The following SDK1 variants were observed in gnomAD, a reference collection of about 807,000 sequenced individuals.
SDK1 encodes protein sidekick-1.
In SDK1, 157 loss-of-function variants were observed where a neutral mutation model predicts 245.5. The observed-to-expected ratio is 0.64, with a 90% CI of 0.56 to 0.73. The LOEUF (loss-of-function observed/expected upper bound fraction) is 0.73. Among genes scored for constraint, SDK1 ranks in the 30% least tolerant of loss-of-function variants. SDK1 has a pLI of 0.00. For synonymous variants in SDK1, 1,647 were observed against 1,278.5 expected (o/e 1.29, Z -6.15); for missense variants, 3,583 against 3,002.3 (o/e 1.19, Z -4.52).
intron 1 of SDK1, among the ~76,000 whole-genome samples, chr7:3,586,118 T>C (rs1780679632): frequency 6.6e-6 from 1 of 151,014 alleles, no homozygotes; most frequent in African/African-American, 2.4e-5. Context: ...GTAGAGTCGC[T>C]GGGGGAGAGA....
At chr7:4,181,718 G>T (rs752392649) in intron 35 of SDK1, among the ~76,000 whole-genome samples, 2 of 152,300 alleles carry the variant, frequency 1.3e-5, no homozygotes, top group Admixed American at 6.5e-5. Context: ...GGAAAGGAAA[G>T]CCTACTTGCT....
chr7:4,089,341 A>G (rs1468510585), intron 22 of SDK1, among the ~76,000 whole-genome samples: 1 of 152,202 alleles, frequency 6.6e-6, no homozygotes. Flanking sequence ...CCCCTGGGGC[A>G]GAGGCTGCAG....
At position 3,718,346 on chromosome 7, in the gene SDK1, A is replaced by G. The variant is rs1298956503; in HGVS notation, c.713+76241A>G. Among the ~76,000 whole-genome samples the G allele has an allele frequency of 2.6e-5, 4 of 151,706 alleles. No homozygotes were observed. In the East Asian group the frequency reaches 7.7e-4, roughly 29 times the overall value. ...TGAAACCCTGTCTCAAAAAAATAATAAAAATAATAAATTGGCCAGCTGTGG... is the reference window on the plus strand; with the variant it reads ...TGAAACCCTGTCTCAAAAAAATAATGAAAATAATAAATTGGCCAGCTGTGG... On this transcript the variant is annotated intron_variant, in intron 4 of 44. Coordinates refer to ENST00000404826, the MANE Select transcript of SDK1 (RefSeq NM_152744.4).
At chr7:4,214,788 T>A (rs1481457978) in intron 38 of SDK1, among the ~76,000 whole-genome samples, 2 of 152,204 alleles carry the variant, frequency 1.3e-5, no homozygotes, top group Non-Finnish European at 2.9e-5. Flanking sequence ...AATGGCCTTA[T>A]AGAGCTTCCT....
intron 5 of SDK1, among the ~76,000 whole-genome samples, chr7:3,827,909 C>G (rs947682693): frequency 3.3e-5 from 5 of 152,114 alleles, no homozygotes; most frequent in African/African-American, 7.2e-5. Flanking sequence ...AAGAAACAAA[C>G]CTTGGTATGA....
At chr7:3,756,108 CA>C in intron 4 of SDK1, among the ~76,000 whole-genome samples, 2 of 148,916 alleles carry the variant, frequency 1.3e-5, no homozygotes, top group African/African-American at 2.5e-5. Flanking sequence ...ACATGCATAT[CA>C]TTGATGTTTT....
intron 28 of SDK1, among the ~76,000 whole-genome samples, chr7:4,139,981 C>T (rs1459693609): frequency 6.6e-6 from 1 of 152,130 alleles, no homozygotes; most frequent in Non-Finnish European, 1.5e-5. Flanking sequence ...TCCCATGAGC[C>T]TATTCATTGT....
chr7:4,077,534 A>G (rs1013221858), intron 21 of SDK1, among the ~76,000 whole-genome samples: 2 of 152,164 alleles, frequency 1.3e-5, no homozygotes, highest in African/African-American at 4.8e-5. Flanking sequence ...GTCCATTTTC[A>G]TGCTGCTGAT....
intron 1 of SDK1, among the ~76,000 whole-genome samples, chr7:3,595,526 C>A (rs1478432889): frequency 2.0e-5 from 3 of 151,904 alleles, no homozygotes. Flanking sequence ...TAAAACTCAC[C>A]AGCACTACTG....
At position 3,997,506 on chromosome 7, in the gene SDK1, G is replaced by T. The variant is rs550476165; in HGVS notation, c.2131+10184G>T. Among the ~76,000 whole-genome samples, 5 of 152,026 alleles carry T rather than the reference G, an allele frequency of 3.3e-5. No homozygotes were observed. The South Asian group carries it at 1.0e-3, about 32-fold the overall frequency. ...GGAGAGGATAGTAGCTTCTCTCTGC[G>T]GCTGGTCGTCCCAGCATCTGCAGCT... On this transcript the variant is annotated intron_variant, in intron 14 of 44. Transcript: ENST00000404826.
intron 1 of SDK1, among the ~76,000 whole-genome samples, chr7:3,366,680 A>G (rs1401130580): frequency 1.3e-5 from 2 of 151,796 alleles, no homozygotes; most frequent in African/African-American, 4.8e-5. Flanking sequence ...CTTTTTGTCA[A>G]CTGTTGGTTC....
intron 5 of SDK1, among the ~76,000 whole-genome samples, chr7:3,823,463 A>G (rs1217095387): frequency 6.6e-6 from 1 of 152,222 alleles, no homozygotes; most frequent in East Asian, 1.9e-4. Flanking sequence ...GTCCGTACCT[A>G]GTACTTGCCT....
intron 25 of SDK1, among the ~76,000 whole-genome samples, chr7:4,126,283 G>A (rs763307280): frequency 2.6e-5 from 4 of 152,206 alleles, no homozygotes; most frequent in Non-Finnish European, 5.9e-5. Context: ...CAAAGCAAAT[G>A]GAGATTGTCT....
At chr7:3,678,969 A>G (rs1784007298) in intron 4 of SDK1, among the ~76,000 whole-genome samples, 1 of 152,218 alleles carries the variant, frequency 6.6e-6, no homozygotes, top group Admixed American at 6.5e-5. Flanking sequence ...CATACGAGAG[A>G]TTTAAATGTA....
chr7:4,031,980 T>G (rs1787852296), intron 17 of SDK1, among the ~76,000 whole-genome samples: 1 of 145,000 alleles, frequency 6.9e-6, no homozygotes, highest in Non-Finnish European at 1.5e-5. Context: ...TGAGTTGAGA[T>G]AGCGCCACTG....
intron 38 of SDK1, among the ~76,000 whole-genome samples, chr7:4,216,873 G>A (rs1291200633): frequency 1.3e-5 from 2 of 152,184 alleles, no homozygotes; most frequent in African/African-American, 2.4e-5. Context: ...GGCTCATCCT[G>A]TGTGCTGGGC....
intron 1 of SDK1, among the ~76,000 whole-genome samples, chr7:3,547,742 A>G: frequency 6.6e-6 from 1 of 152,164 alleles, no homozygotes; most frequent in East Asian, 1.9e-4. Context: ...TTTCTAAAGG[A>G]AGCAATGATG....
intron 1 of SDK1, among the ~76,000 whole-genome samples, chr7:3,429,190 A>G (rs1026142860): frequency 2.0e-5 from 3 of 151,730 alleles, no homozygotes; most frequent in Non-Finnish European, 4.4e-5. Context: ...CAGATGGACT[A>G]AAATAATACT....
chr7:3,553,783 G>C (rs1219156759), intron 1 of SDK1, among the ~76,000 whole-genome samples: 1 of 152,138 alleles, frequency 6.6e-6, no homozygotes, highest in Non-Finnish European at 1.5e-5. Context: ...GCCCAGAGAG[G>C]AATAGGTGGT....
Sources: gnomAD v4.1 joint callset for allele counts (sites outside exome capture counted in the v4.1 genomes callset) on GRCh38, gnomAD v4.1.1 for gene constraint, MANE v1.5 for transcripts, NCBI Gene and HGNC (gene_info 2026-07-23, HGNC 2026-07-21) for gene names.